Variants in AGBL4 observed in about 807,000 individuals in gnomAD.
The protein encoded by AGBL4 is AGBL carboxypeptidase 4.
Under a neutral mutation model 66.4 loss-of-function variants are expected in AGBL4, and 58 were observed. That is an observed-to-expected ratio of 0.87 (90% CI 0.71 to 1.09). The LOEUF (loss-of-function observed/expected upper bound fraction) is 1.09. AGBL4 is among the 50% of genes least tolerant of loss of function. The pLI is 0.00. For missense variants in AGBL4, 579 were observed against 631.0 expected, an observed-to-expected ratio of 0.92 and a Z score of 0.88; for synonymous variants, 234 against 222.9, an observed-to-expected ratio of 1.05 and a Z score of -0.44.
At chr1:48,730,665 A>G (rs1221650602) in intron 6 of AGBL4, among the ~76,000 whole-genome samples, 1 of 152,172 alleles carries the variant, frequency 6.6e-6, no homozygotes, top group Non-Finnish European at 1.5e-5. Flanking sequence ...CACTGAACGA[A>G]AAGCTTCTCA....
chr1:48,845,277 G>A (rs1038189964), intron 6 of AGBL4, among the ~76,000 whole-genome samples: 2 of 152,088 alleles, frequency 1.3e-5, no homozygotes, highest in Non-Finnish European at 2.9e-5. Context: ...GGCTCTAATC[G>A]GAACAAGGTG....
At chr1:48,751,796 C>T (rs779311796) in intron 6 of AGBL4, among the ~76,000 whole-genome samples, 10 of 152,172 alleles carry the variant, frequency 6.6e-5, no homozygotes, top group Non-Finnish European at 1.2e-4. Context: ...AAGGGACAGC[C>T]TGGAGTTGTC....
chr1:49,185,434 G>T (rs1007929798), intron 4 of AGBL4, among the ~76,000 whole-genome samples: 2 of 152,116 alleles, frequency 1.3e-5, no homozygotes, highest in African/African-American at 4.8e-5. Flanking sequence ...TGTGCCAAAG[G>T]ACCAGTTAGA....
At chr1:48,825,304 T>G (rs1646404067) in intron 6 of AGBL4, among the ~76,000 whole-genome samples, 1 of 152,016 alleles carries the variant, frequency 6.6e-6, no homozygotes, top group Non-Finnish European at 1.5e-5. Flanking sequence ...GCCTCTGGAG[T>G]CAGTTTTATA....
Position 49,149,775 on chromosome 1 carries a change from C to G in AGBL4, c.377+95995G>C, listed in dbSNP as rs569844759. On this transcript the variant is annotated intron_variant, in intron 4 of 13. Coordinates refer to ENST00000371839, the MANE Select transcript of AGBL4 (RefSeq NM_032785.4). The stretch of plus-strand genomic sequence containing the variant: ...TAGGAAACTGCTGAGGCAAGAAGAC[C>G]TATATTGTTTCATTACAAATATGCC... Among the ~76,000 whole-genome samples, 4 of 152,238 alleles carry G rather than the reference C, an allele frequency of 2.6e-5. No individual in the cohort carries two copies. The East Asian group carries it at 7.7e-4, about 29-fold the overall frequency.
At chr1:49,727,527 A>C (rs1037396620) in intron 2 of AGBL4, among the ~76,000 whole-genome samples, 14 of 152,176 alleles carry the variant, frequency 9.2e-5, no homozygotes, top group Non-Finnish European at 1.5e-5. Flanking sequence ...AATTTGAACC[A>C]ATTAAAACGT....
chr1:48,675,579 G>T (rs7532350), intron 6 of AGBL4, among the ~76,000 whole-genome samples: 13,281 of 152,236 alleles, frequency 0.087, 1,425 homozygotes, highest in African/African-American at 0.25. Flanking sequence ...ATCCATCATT[G>T]TAAGTGGATT....
intron 1 of AGBL4, among the ~76,000 whole-genome samples, chr1:49,936,372 T>G (rs185870705): frequency 6.6e-6 from 1 of 152,060 alleles, no homozygotes; most frequent in East Asian, 1.9e-4. Context: ...TGGGGTACCT[T>G]AAAGTGACGG....
intron 3 of AGBL4, among the ~76,000 whole-genome samples, chr1:49,466,988 C>T (rs980852688): frequency 9.2e-5 from 14 of 151,716 alleles, no homozygotes; most frequent in African/African-American, 3.4e-4. Flanking sequence ...TGATGACATA[C>T]AGGAGTAATC....
intron 1 of AGBL4, among the ~76,000 whole-genome samples, chr1:49,885,186 T>TA (rs1161353644): frequency 2.6e-5 from 4 of 151,970 alleles, no homozygotes; most frequent in African/African-American, 7.2e-5. Flanking sequence ...CCTCTATGTA[T>TA]AAGTGACATG....
In AGBL4 at chr1:49,085,262, TTCATCATCATCATCATCA is replaced by T. The variant is rs55673573; in HGVS notation, c.378-39480_378-39463del. 2.9e-4 allele frequency among the ~76,000 whole-genome samples: 42 copies of T among 145,436 alleles called. No individual in the cohort carries two copies. The East Asian group carries it at 5.1e-3, about 18-fold the overall frequency. On this transcript the variant is annotated intron_variant, in intron 4 of 13. Coordinates refer to ENST00000371839, the MANE Select transcript of AGBL4 (RefSeq NM_032785.4). ...TAGCTCTCGGATTTAGACTGGGACT[TTCATCATCATCATCATCA>T]TCATCATCATCATCATCATCATCAT...
intron 1 of AGBL4, among the ~76,000 whole-genome samples, chr1:49,993,575 A>G (rs1016959937): frequency 2.0e-5 from 3 of 152,172 alleles, no homozygotes; most frequent in African/African-American, 7.2e-5. Flanking sequence ...TATTCTTCAA[A>G]ATACTTGCTG....
intron 9 of AGBL4, among the ~76,000 whole-genome samples, chr1:48,605,399 C>T (rs965670817): frequency 1.3e-5 from 2 of 152,186 alleles, no homozygotes; most frequent in African/African-American, 4.8e-5. Flanking sequence ...TCCTCTGTGC[C>T]CTCCAAGGCT....
chr1:48,595,430 A>G (rs1644980786), intron 9 of AGBL4, among the ~76,000 whole-genome samples: 1 of 152,252 alleles, frequency 6.6e-6, no homozygotes, highest in Non-Finnish European at 1.5e-5. Flanking sequence ...TCCAACAGTA[A>G]AACCAGGTAC....
At chr1:49,502,454 G>A (rs552788336) in intron 3 of AGBL4, among the ~76,000 whole-genome samples, 4 of 152,222 alleles carry the variant, frequency 2.6e-5, no homozygotes, top group African/African-American at 7.2e-5. Context: ...TGAAAATGTG[G>A]AAGTGATTTT....
chr1:49,774,664 A>T (rs1032184735), intron 2 of AGBL4, among the ~76,000 whole-genome samples: 6 of 152,216 alleles, frequency 3.9e-5, no homozygotes, highest in African/African-American at 1.2e-4. Flanking sequence ...TTAGTTTTCT[A>T]TCATGACTGA....
At chr1:49,662,224 AAC>A (rs1407953136) in intron 3 of AGBL4, among the ~76,000 whole-genome samples, 1 of 151,080 alleles carries the variant, frequency 6.6e-6, no homozygotes, top group African/African-American at 2.4e-5. Context: ...GTATATATAT[AAC>A]ACATACATAC....
intron 3 of AGBL4, among the ~76,000 whole-genome samples, chr1:49,553,203 C>A (rs537646675): frequency 6.6e-6 from 1 of 152,182 alleles, no homozygotes; most frequent in Non-Finnish European, 1.5e-5. Flanking sequence ...TGTTTAATCA[C>A]AATATAGATT....
chr1:48,857,419 C>A (rs1407286319), intron 6 of AGBL4, among the ~76,000 whole-genome samples: 1 of 152,158 alleles, frequency 6.6e-6, no homozygotes, highest in African/African-American at 2.4e-5. Context: ...CTATAAAATT[C>A]TTAGAAGAGA....
Sources: gnomAD v4.1 joint callset for allele counts (sites outside exome capture counted in the v4.1 genomes callset) on GRCh38, gnomAD v4.1.1 for gene constraint, MANE v1.5 for transcripts, NCBI Gene and HGNC (gene_info 2026-07-23, HGNC 2026-07-21) for gene names.